The following ZC3H12D variants were observed in gnomAD, a reference collection of about 807,000 sequenced individuals.
The protein encoded by ZC3H12D is probable ribonuclease ZC3H12D.
In ZC3H12D, 11 loss-of-function variants were observed where a neutral mutation model predicts 24.2. The observed-to-expected ratio is 0.46, with a 90% CI of 0.29 to 0.75. The LOEUF (loss-of-function observed/expected upper bound fraction) is 0.75, where lower values mean the gene tolerates loss of function less well. Ranked by LOEUF, ZC3H12D falls within the 30% of genes least tolerant of loss-of-function variation. ZC3H12D has a pLI of 0.11. For missense variants in ZC3H12D, 740 were observed against 767.7 expected (o/e 0.96, Z 0.43); for synonymous variants, 333 against 341.8 (o/e 0.97, Z 0.28).
intron 2 of ZC3H12D, among the ~76,000 whole-genome samples, chr6:149,466,670 G>A (rs1012196697): frequency 6.6e-6 from 1 of 152,202 alleles, no homozygotes; most frequent in Non-Finnish European, 1.5e-5. Context: ...GAGGTCAGGA[G>A]TTCGAGACCA....
At chr6:149,473,256 C>T (rs1460515568) in intron 2 of ZC3H12D, among the ~76,000 whole-genome samples, 3 of 152,152 alleles carry the variant, frequency 2.0e-5, no homozygotes, top group African/African-American at 7.2e-5. Context: ...AAAGTGAGCC[C>T]AAATCCCCAG....
intron 2 of ZC3H12D, among the ~76,000 whole-genome samples, chr6:149,462,232 G>T (rs1776085747): frequency 1.3e-5 from 2 of 152,082 alleles, no homozygotes; most frequent in Admixed American, 1.3e-4. Context: ...AAATTACCGA[G>T]GTGTAGTGGT....
Position 149,452,654 on chromosome 6 carries a change from G to C in ZC3H12D, c.749C>G (p.Pro250Arg). 1.2e-6 allele frequency: 2 copies of C among 1,605,562 alleles called. No homozygotes were observed. The highest frequency in any genetic ancestry group is 1.1e-5 in the South Asian group (1 of 89,410). Residue 250 changes from proline to arginine, a missense_variant, in exon 5 of 6, where the codon CCG (proline) becomes CGG (arginine). Transcript: ENST00000409806. This position sits in a 1 kb window ranked among gnomAD's most constrained non-coding sequence, Gnocchi z 4.0. ...CTGCCAGGATGGCTCTGGGGGCTTC[G>C]GCTTCCTGCTCAGGAAGTTGCTCAG... ...PSLSNFLSRK[P>R]KPPEPSWQHC...
intron 3 of ZC3H12D, among the ~76,000 whole-genome samples, chr6:149,460,808 C>T (rs1187986472): frequency 1.9e-4 from 28 of 147,192 alleles, no homozygotes; most frequent in Middle Eastern, 3.4e-3. Flanking sequence ...ATGGCCTGGG[C>T]GACAAGAGTG....
intron 2 of ZC3H12D, among the ~76,000 whole-genome samples, chr6:149,467,912 C>A (rs1776185587): frequency 6.6e-6 from 1 of 152,170 alleles, no homozygotes; most frequent in South Asian, 2.1e-4. Context: ...CACTGTGAAC[C>A]AGCTCATCAG....
At chr6:149,473,225 C>T (rs954994707) in intron 2 of ZC3H12D, among the ~76,000 whole-genome samples, 2 of 152,050 alleles carry the variant, frequency 1.3e-5, no homozygotes, top group African/African-American at 4.8e-5. Flanking sequence ...TTGCAAACCT[C>T]GGTCCTGCAA....
At chr6:149,460,755 G>A (rs1196068076) in intron 3 of ZC3H12D, among the ~76,000 whole-genome samples, 4 of 152,022 alleles carry the variant, frequency 2.6e-5, no homozygotes, top group African/African-American at 7.3e-5. Flanking sequence ...GCTTGAACCT[G>A]AGAGGCAGAG....
In ZC3H12D at chr6:149,452,751, A is replaced by G. The variant is rs377623340; in HGVS notation, c.681-29T>C. On this transcript the variant is annotated intron_variant, in intron 4 of 5. Coordinates refer to ENST00000409806, the MANE Select transcript of ZC3H12D (RefSeq NM_207360.3). This position sits in a 1 kb window ranked among gnomAD's most constrained non-coding sequence, Gnocchi z 4.0. ...GAAAATAAGCACAGGGGCAACTGCA[A>G]GACCACCTGGGATTTGCCACCAGCA... 7 of 1,556,874 alleles carry G rather than the reference A, an allele frequency of 4.5e-6. No homozygotes were observed. The highest frequency in any genetic ancestry group is 6.1e-6 in the Non-Finnish European group (7 of 1,151,954).
chr6:149,452,343 C>T lies in ZC3H12D; in HGVS notation c.787+273G>A, dbSNP rs1039044095. 8 of 365,894 alleles carry T rather than the reference C, an allele frequency of 2.2e-5. No homozygotes were observed. Among genetic ancestry groups the T allele is most frequent in the African/African-American group, 1.3e-4 (6 of 47,618 alleles). 22.7% of individuals were successfully genotyped at this position (365,894 alleles called of 1,614,324 possible). A position where few individuals can be genotyped will look rare whatever the true frequency, so the allele number is the denominator to read the frequency against. On this transcript the variant is annotated intron_variant, in intron 5 of 5. Coordinates refer to ENST00000409806, the MANE Select transcript of ZC3H12D (RefSeq NM_207360.3). This position sits in a 1 kb window ranked among gnomAD's most constrained non-coding sequence, Gnocchi z 4.0. ...ACCCGCAGCTGGGTTTGTGTCCAGG[C>T]TCCCGGCTTCTCAGACACAGCTTTG...
intron 2 of ZC3H12D, among the ~76,000 whole-genome samples, chr6:149,469,383 G>A (rs536932167): frequency 2.4e-4 from 36 of 152,168 alleles, no homozygotes; most frequent in South Asian, 8.3e-4. Flanking sequence ...GCGTGAACCC[G>A]GGAGGCGGAG....
Position 149,454,674 on chromosome 6 carries a change from C to T in ZC3H12D, c.681-1952G>A, listed in dbSNP as rs143919791. On this transcript the variant is annotated intron_variant, in intron 4 of 5. Coordinates refer to ENST00000409806, the MANE Select transcript of ZC3H12D (RefSeq NM_207360.3). ...GCGGGCGGCAGGTCCTGCCTCCTGG[C>T]AGGCCCTTAACGGAGGCCAGTGCGT... 5.9e-5 allele frequency among the ~76,000 whole-genome samples: 9 copies of T among 152,380 alleles called. No homozygotes were observed. In the East Asian group the frequency reaches 1.3e-3, roughly 23 times the overall value.
Position 149,462,802 on chromosome 6 carries a change from A to C in ZC3H12D, c.306-832T>G, listed in dbSNP as rs1203342313. Among the ~76,000 whole-genome samples, 3 of 152,286 alleles carry C rather than the reference A, an allele frequency of 2.0e-5. No individual in the cohort carries two copies. The East Asian group carries it at 5.8e-4, about 29-fold the overall frequency. On this transcript the variant is annotated intron_variant, in intron 2 of 5. Transcript: ENST00000409806. ...TCCTGCTCTTGAACATCAGACTCCAAGTTCTTCAGCTTTTGGACTGTTGGA... is the reference window on the plus strand; with the variant it reads ...TCCTGCTCTTGAACATCAGACTCCACGTTCTTCAGCTTTTGGACTGTTGGA...
intron 1 of ZC3H12D, among the ~76,000 whole-genome samples, chr6:149,484,379 C>T (rs564272159): frequency 9.8e-5 from 15 of 152,316 alleles, no homozygotes; most frequent in Non-Finnish European, 2.9e-5. Flanking sequence ...TAGATGATAA[C>T]TAGTCTAGAA....
At position 149,460,580 on chromosome 6, in the gene ZC3H12D, A is replaced by T. The variant is rs1776056190; in HGVS notation, c.445+1251T>A. 1.3e-5 allele frequency among the ~76,000 whole-genome samples: 2 copies of T among 152,142 alleles called. 1 individual carries two copies. Reference sequence around the variant, plus strand: ...CAGGGTGCGGTGGCTCACACATGTAATCCCAGCACTTTGGGAGGCAGAGGT... The same window carrying T: ...CAGGGTGCGGTGGCTCACACATGTATTCCCAGCACTTTGGGAGGCAGAGGT... On this transcript the variant is annotated intron_variant, in intron 3 of 5. Coordinates refer to ENST00000409806, the MANE Select transcript of ZC3H12D (RefSeq NM_207360.3).
At chr6:149,465,694 A>G (rs400279) in intron 2 of ZC3H12D, among the ~76,000 whole-genome samples, 96,877 of 149,892 alleles carry the variant, frequency 0.65, 33,657 homozygotes, top group African/African-American at 0.9. Flanking sequence ...GGTGGAGGTC[A>G]CAGTGAGCTG....
intron 2 of ZC3H12D, among the ~76,000 whole-genome samples, chr6:149,466,347 C>T (rs1381553346): frequency 6.6e-6 from 1 of 151,570 alleles, no homozygotes; most frequent in Admixed American, 6.6e-5. Context: ...ACGGAGGCCC[C>T]ACCTGATGTA....
intron 2 of ZC3H12D, among the ~76,000 whole-genome samples, chr6:149,468,849 C>T (rs1399943445): frequency 6.6e-6 from 1 of 152,144 alleles, no homozygotes; most frequent in African/African-American, 2.4e-5. Context: ...CTGAGGGGGG[C>T]ATGATGAAAA....
intron 2 of ZC3H12D, among the ~76,000 whole-genome samples, chr6:149,466,532 T>C (rs1415626794): frequency 1.3e-5 from 2 of 150,848 alleles, no homozygotes; most frequent in African/African-American, 4.9e-5. Flanking sequence ...TGTAGTCAAG[T>C]CCACCCTCAG....
chr6:149,480,692 C>T (rs192350123), intron 1 of ZC3H12D, among the ~76,000 whole-genome samples: 4 of 152,028 alleles, frequency 2.6e-5, no homozygotes, highest in Non-Finnish European at 4.4e-5. Flanking sequence ...GCCAAGATCG[C>T]GCCATTGCAC....
Sources: gnomAD v4.1 joint callset for allele counts (sites outside exome capture counted in the v4.1 genomes callset) on GRCh38, gnomAD v4.1.1 for gene constraint, Gnocchi (gnomAD v3.1) non-coding constraint, MANE v1.5 for transcripts, NCBI Gene and HGNC (gene_info 2026-07-23, HGNC 2026-07-21) for gene names.